The following SMG6 variants were observed in gnomAD, a reference collection of about 807,000 sequenced individuals.
SMG6 encodes telomerase-binding protein EST1A.
In SMG6, 66 loss-of-function variants were observed where a neutral mutation model predicts 142.2. That is an observed-to-expected ratio of 0.46 (90% CI 0.38 to 0.57). SMG6 has a LOEUF of 0.57. Ranked by LOEUF, SMG6 falls within the 20% of genes least tolerant of loss-of-function variation. The pLI, the probability that SMG6 is intolerant of heterozygous loss-of-function variation, is 0.00. For synonymous variants in SMG6, 779 were observed against 702.4 expected (o/e 1.11, Z -1.72); for missense variants, 1,793 against 1,832.0 (o/e 0.98, Z 0.39).
chr17:2,065,417 C>T (rs764001580), intron 17 of SMG6, 51 bp downstream of exon 17: 3 of 1,564,596 alleles, frequency 1.9e-6, no homozygotes, highest in Middle Eastern at 2.2e-4. Flanking sequence ...TCCTGGAGAC[C>T]TTGTTCTGGA....
At chr17:2,169,198 G>T (rs1229374013) in intron 13 of SMG6, among the ~76,000 whole-genome samples, 3 of 151,966 alleles carry the variant, frequency 2.0e-5, no homozygotes, top group Non-Finnish European at 4.4e-5. Context: ...GAACCCGGGA[G>T]AAAGAGGTCC....
chr17:2,283,789 C>A, intron 6 of SMG6, 54 bp from the exon 7 acceptor site: 1 of 1,398,174 alleles, frequency 7.2e-7, no homozygotes, highest in Non-Finnish European at 1.0e-6. Flanking sequence ...CTAACTCCAG[C>A]AAGAGGCAGC....
At position 2,290,082 on chromosome 17, in the gene SMG6, A is replaced by C. The variant is rs181312167; in HGVS notation, c.2337+2470T>G. Among the ~76,000 whole-genome samples, 43 of 152,138 alleles carry C rather than the reference A, an allele frequency of 2.8e-4. No homozygotes were observed. The East Asian group carries it at 7.5e-3, about 27-fold the overall frequency. The stretch of plus-strand genomic sequence containing the variant: ...GAGAATCCAATAAAAAACCACAATG[A>C]GTTATCACTTAATACTCACTAGGTT... On this transcript the variant is annotated intron_variant, in intron 6 of 18. Transcript: ENST00000263073.
chr17:2,065,672 A>G lies in SMG6; in HGVS notation c.3843T>C (p.Asn1281=). 1.2e-6 allele frequency: 2 copies of G among 1,612,290 alleles called. No individual in the cohort carries two copies. Among genetic ancestry groups the G allele is most frequent in the Non-Finnish European group, 1.7e-6 (2 of 1,179,768 alleles). ...YILVVPLIVI[N]ELDGLAKGQE... ...GCCCCTTGGCCAGGCCGTCCAGCTC[A>G]TTGATCACTGATGAGATAGAGCCCC... is the stretch of plus-strand genomic sequence containing the variant. Residue 1281 remains asparagine, a synonymous_variant, in exon 17 of 19, where the codon AAT becomes AAC. Coordinates refer to ENST00000263073, the MANE Select transcript of SMG6 (RefSeq NM_017575.5).
At chr17:2,238,621 G>C (rs567981219) in intron 9 of SMG6, among the ~76,000 whole-genome samples, 1 of 152,194 alleles carries the variant, frequency 6.6e-6, no homozygotes, top group Non-Finnish European at 1.5e-5. Context: ...ATGTGTCTCC[G>C]TGTTGAAAGG....
chr17:2,122,518 T>A (rs528633171), intron 13 of SMG6: 1 of 152,216 alleles, frequency 6.6e-6, no homozygotes, highest in East Asian at 1.9e-4. Context: ...CGCATATAAA[T>A]CCCCAAATTC....
intron 13 of SMG6, among the ~76,000 whole-genome samples, chr17:2,102,799 C>A (rs1330678622): frequency 1.3e-5 from 2 of 152,138 alleles, no homozygotes; most frequent in Admixed American, 1.3e-4. Context: ...ACCATCATCT[C>A]CCCATTTCCC....
chr17:2,078,624 G>A (rs1331706455), intron 15 of SMG6, among the ~76,000 whole-genome samples: 2 of 152,124 alleles, frequency 1.3e-5, no homozygotes, highest in Middle Eastern at 3.4e-3. Context: ...TGCCAGCCTC[G>A]GCTGCCCAAA....
intron 10 of SMG6, among the ~76,000 whole-genome samples, chr17:2,230,155 C>T (rs558229630): frequency 2.5e-5 from 3 of 121,912 alleles, no homozygotes; most frequent in Non-Finnish European, 4.8e-5. Flanking sequence ...CACTGCACTC[C>T]AGCCTGGGCC....
intron 9 of SMG6, among the ~76,000 whole-genome samples, 191 bp downstream of exon 9, chr17:2,244,467 T>C (rs184443968): frequency 1.1e-4 from 16 of 152,024 alleles, no homozygotes; most frequent in Admixed American, 1.0e-3. Flanking sequence ...ACAAGAGAGA[T>C]AGAGAGTAAT....
In SMG6 at chr17:2,246,667, C is replaced by A. The variant is rs190377610; in HGVS notation, c.2662-1948G>T. Among the ~76,000 whole-genome samples the A allele has an allele frequency of 1.8e-3, 275 of 152,244 alleles. 2 individuals are homozygous for A. Among genetic ancestry groups the A allele is most frequent in the African/African-American group, 6.2e-3 (259 of 41,546 alleles). ...GTTCCATCAACAGAATGGAAGAGGC[C>A]GGGTGCAGTGGCTCATGCCTGGAAT... On this transcript the variant is annotated intron_variant, in intron 8 of 18. Coordinates refer to ENST00000263073, the MANE Select transcript of SMG6 (RefSeq NM_017575.5).
chr17:2,098,959 T>C (rs1226762125), intron 13 of SMG6, among the ~76,000 whole-genome samples: 2 of 152,226 alleles, frequency 1.3e-5, no homozygotes, highest in African/African-American at 4.8e-5. Flanking sequence ...CAGTTGGTTT[T>C]ATTTACAATT....
At chr17:2,081,208 G>A (rs985558737) in intron 15 of SMG6, among the ~76,000 whole-genome samples, 1 of 152,150 alleles carries the variant, frequency 6.6e-6, no homozygotes, top group Non-Finnish European at 1.5e-5. Flanking sequence ...GACAGCAAAC[G>A]GCCTCACAGC....
chr17:2,224,695 A>G (rs1186756881), intron 10 of SMG6, among the ~76,000 whole-genome samples: 2 of 151,986 alleles, frequency 1.3e-5, no homozygotes, highest in Non-Finnish European at 2.9e-5. Context: ...AGACACTAAG[A>G]GTTTTCCAAA....
intron 13 of SMG6, among the ~76,000 whole-genome samples, chr17:2,106,506 G>C (rs2069159577): frequency 6.6e-6 from 1 of 152,206 alleles, no homozygotes; most frequent in African/African-American, 2.4e-5. Context: ...TATAGTTAGA[G>C]AGGAAAGGGC....
chr17:2,085,613 AC>A lies in SMG6; in HGVS notation c.3534+111del. ...CTCGAGAAGCTGGCTGGTCACATTAACACAGACGCTGTTCTCTGTGCTCATA... is the reference window on the plus strand; with the variant it reads ...CTCGAGAAGCTGGCTGGTCACATTAAACAGACGCTGTTCTCTGTGCTCATA... On this transcript the variant is annotated intron_variant, in intron 14 of 18. Coordinates refer to ENST00000263073, the MANE Select transcript of SMG6 (RefSeq NM_017575.5). This position sits in a 1 kb window ranked among gnomAD's most constrained non-coding sequence, Gnocchi z 4.1. 8.9e-7 allele frequency: 1 copy of A among 1,129,276 alleles called. No individual in the cohort carries two copies. The highest frequency in any genetic ancestry group is 2.3e-5 in the Admixed American group (1 of 43,996). 70.0% of individuals were successfully genotyped at this position (1,129,276 alleles called of 1,614,324 possible).
intron 15 of SMG6, among the ~76,000 whole-genome samples, chr17:2,081,575 C>T (rs1195489087): frequency 1.3e-5 from 2 of 152,166 alleles, no homozygotes; most frequent in Non-Finnish European, 2.9e-5. Context: ...CAGCTTTTCT[C>T]AGAGTCTCTG....
chr17:2,212,696 C>G (rs934904501), intron 10 of SMG6: 1 of 152,290 alleles, frequency 6.6e-6, no homozygotes, highest in Non-Finnish European at 1.5e-5. Context: ...CCTGAAACCA[C>G]ACCCTACCAA....
chr17:2,268,037 G>A (rs2074462516), intron 8 of SMG6, among the ~76,000 whole-genome samples: 1 of 152,090 alleles, frequency 6.6e-6, no homozygotes, highest in African/African-American at 2.4e-5. Context: ...GTGAGCCACT[G>A]CACCCAGCCT....
Sources: gnomAD v4.1 joint callset for allele counts (sites outside exome capture counted in the v4.1 genomes callset) on GRCh38, gnomAD v4.1.1 for gene constraint, Gnocchi (gnomAD v3.1) non-coding constraint, MANE v1.5 for transcripts, NCBI Gene and HGNC (gene_info 2026-07-23, HGNC 2026-07-21) for gene names.